Variants in PIK3C2G observed in about 807,000 individuals in gnomAD.
The protein encoded by PIK3C2G is phosphatidylinositol-4-phosphate 3-kinase catalytic subunit type 2 gamma.
In PIK3C2G, 168 loss-of-function variants were observed where a neutral mutation model predicts 181.1. The observed-to-expected ratio is 0.93, with a 90% CI of 0.82 to 1.05. PIK3C2G has a LOEUF of 1.05. PIK3C2G is among the 50% of genes least tolerant of loss of function. The probability of loss-of-function intolerance (pLI) is 0.00; values close to 1 mark genes in which losing one functional copy is unlikely to be tolerated. For synonymous variants in PIK3C2G, 573 were observed against 592.2 expected, an observed-to-expected ratio of 0.97 and a Z score of 0.47; for missense variants, 1,869 against 1,732.8, an observed-to-expected ratio of 1.08 and a Z score of -1.40.
chr12:18,431,412 C>T (rs899918971), intron 18 of PIK3C2G, among the ~76,000 whole-genome samples: 5 of 152,116 alleles, frequency 3.3e-5, no homozygotes, highest in African/African-American at 1.2e-4. Flanking sequence ...GGGAACTCAA[C>T]AAATTTTGTC....
chr12:18,651,793 C>T (rs914109291), downstream of PIK3C2G, among the ~76,000 whole-genome samples: 3 of 152,118 alleles, frequency 2.0e-5, no homozygotes, highest in African/African-American at 4.8e-5. Flanking sequence ...ATATGAATGT[C>T]GCTGGAATGT....
chr12:18,561,609 G>T (rs527447566), intron 26 of PIK3C2G, among the ~76,000 whole-genome samples: 4 of 151,844 alleles, frequency 2.6e-5, no homozygotes, highest in African/African-American at 9.7e-5. Flanking sequence ...AAAAGGGAAC[G>T]AACAGTATGA....
intron 11 of PIK3C2G, among the ~76,000 whole-genome samples, chr12:18,359,434 A>G (rs1006398124): frequency 6.6e-6 from 1 of 152,178 alleles, no homozygotes; most frequent in African/African-American, 2.4e-5. Context: ...TGTTCTGTAT[A>G]TATCTGTTAG....
intron 24 of PIK3C2G, among the ~76,000 whole-genome samples, chr12:18,512,533 T>C (rs1306859082): frequency 2.0e-5 from 3 of 151,968 alleles, no homozygotes; most frequent in East Asian, 1.9e-4. Flanking sequence ...TGGTTAAATT[T>C]GCACCTAAGT....
intron 5 of PIK3C2G, 132 bp from the exon 6 acceptor site, chr12:18,313,830 G>T (rs199985050): frequency 4.1e-6 from 2 of 493,064 alleles, no homozygotes; most frequent in Non-Finnish European, 7.2e-6. Flanking sequence ...ACACACACAC[G>T]CACACACACG....
At chr12:18,500,224 G>A (rs1393283517) in intron 22 of PIK3C2G, among the ~76,000 whole-genome samples, 3 of 152,074 alleles carry the variant, frequency 2.0e-5, no homozygotes, top group Non-Finnish European at 4.4e-5. Flanking sequence ...TGGGCTTGGC[G>A]GGCCCCGCAC....
At chr12:18,495,801 A>AG (rs1310082092) in intron 20 of PIK3C2G, among the ~76,000 whole-genome samples, 1 of 152,160 alleles carries the variant, frequency 6.6e-6, no homozygotes, top group Non-Finnish European at 1.5e-5. Context: ...CTGTTCACTG[A>AG]GGAAAAAACG....
chr12:18,612,453 A>C (rs1458910405), intron 31 of PIK3C2G, among the ~76,000 whole-genome samples: 1 of 152,092 alleles, frequency 6.6e-6, no homozygotes, highest in East Asian at 1.9e-4. Flanking sequence ...GTAGGTACTC[A>C]GTAAAGCCTT....
intron 18 of PIK3C2G, among the ~76,000 whole-genome samples, chr12:18,472,862 G>A (rs535187238): frequency 6.6e-6 from 1 of 152,148 alleles, no homozygotes; most frequent in South Asian, 2.1e-4. Context: ...ACCACGCCCA[G>A]CTAATTTTTG....
chr12:18,339,935 T>C (rs11829989), intron 9 of PIK3C2G, among the ~76,000 whole-genome samples: 1 of 152,014 alleles, frequency 6.6e-6, no homozygotes, highest in Non-Finnish European at 1.5e-5. Context: ...AAACAATAAA[T>C]CCAGAAATTA....
At chr12:18,628,890 G>A (rs1287316922) in intron 31 of PIK3C2G, among the ~76,000 whole-genome samples, 1 of 152,086 alleles carries the variant, frequency 6.6e-6, no homozygotes, top group Non-Finnish European at 1.5e-5. Context: ...CAGAGAGTTG[G>A]AAGCCAGCTG....
At chr12:18,604,666 G>T (rs1720119141) in intron 30 of PIK3C2G, among the ~76,000 whole-genome samples, 1 of 152,052 alleles carries the variant, frequency 6.6e-6, no homozygotes, top group Admixed American at 6.6e-5. Flanking sequence ...CCTCAATAAA[G>T]TTAAGAAAAT....
At chr12:18,435,673 T>A (rs988136679) in intron 18 of PIK3C2G, among the ~76,000 whole-genome samples, 2 of 152,048 alleles carry the variant, frequency 1.3e-5, no homozygotes, top group African/African-American at 4.8e-5. Flanking sequence ...CCAAATATAA[T>A]CTTTCTTTTT....
At chr12:18,500,660 A>C (rs183025183) in intron 22 of PIK3C2G, among the ~76,000 whole-genome samples, 1 of 152,140 alleles carries the variant, frequency 6.6e-6, no homozygotes, top group African/African-American at 2.4e-5. Context: ...TTGTAAATGC[A>C]CCAATCAGCG....
In PIK3C2G at chr12:18,370,046, G is replaced by A. The variant is rs1411727331; in HGVS notation, c.1749-1134G>A. 9.9e-5 allele frequency among the ~76,000 whole-genome samples: 15 copies of A among 151,120 alleles called. No individual in the cohort carries two copies. In the East Asian group the frequency reaches 1.6e-3, roughly 16 times the overall value. On this transcript the variant is annotated intron_variant, in intron 12 of 32. Coordinates refer to ENST00000538779, the MANE Select transcript of PIK3C2G (RefSeq NM_001288772.2). ...TATAATTGACATATGATCATATAAC[G>A]ATCGTATAATTGACATATGATCATA...
intron 1 of PIK3C2G, among the ~76,000 whole-genome samples, chr12:18,250,278 G>GT (rs1164845549): frequency 6.6e-6 from 1 of 152,006 alleles, no homozygotes; most frequent in Non-Finnish European, 1.5e-5. Flanking sequence ...AGAAAAAAAA[G>GT]TGAAATTGAC....
chr12:18,374,272 A>G (rs569929483), intron 13 of PIK3C2G, among the ~76,000 whole-genome samples: 1 of 152,022 alleles, frequency 6.6e-6, no homozygotes, highest in South Asian at 2.1e-4. Flanking sequence ...CATAATTTCA[A>G]AAAAGGCCTA....
At chr12:18,725,452 A>G in the PIK3C2G span, among the ~76,000 whole-genome samples, 1 of 152,140 alleles carries the variant, frequency 6.6e-6, no homozygotes, top group African/African-American at 2.4e-5. Context: ...ATTTTTAACT[A>G]ACTCTAAGAC....
intron 28 of PIK3C2G, among the ~76,000 whole-genome samples, chr12:18,565,554 T>G (rs1446956167): frequency 6.6e-6 from 1 of 152,112 alleles, no homozygotes; most frequent in Non-Finnish European, 1.5e-5. Context: ...TCAAATCAAA[T>G]CTTTGTCAGA....
Sources: gnomAD v4.1 joint callset for allele counts (sites outside exome capture counted in the v4.1 genomes callset) on GRCh38, gnomAD v4.1.1 for gene constraint, MANE v1.5 for transcripts, NCBI Gene and HGNC (gene_info 2026-07-23, HGNC 2026-07-21) for gene names.